The following CUX1 variants were observed in gnomAD, a reference collection of about 807,000 sequenced individuals.
CUX1 encodes protein CASP.
Under a neutral mutation model 158.8 loss-of-function variants are expected in CUX1, and 31 were observed. The observed-to-expected ratio is 0.20, with a 90% CI of 0.15 to 0.26. The LOEUF (loss-of-function observed/expected upper bound fraction) is 0.26. CUX1 is among the 10% of genes least tolerant of loss of function. CUX1 has a pLI of 1.00. For synonymous variants in CUX1, 879 were observed against 862.1 expected (o/e 1.02, Z -0.34); for missense variants, 1,589 against 2,014.6 (o/e 0.79, Z 4.04).
intron 4 of CUX1, among the ~76,000 whole-genome samples, chr7:102,072,391 T>C (rs1826225957): frequency 6.6e-6 from 1 of 152,198 alleles, no homozygotes; most frequent in South Asian, 2.1e-4. Flanking sequence ...AACATCTTGA[T>C]TGGTTGCGGA....
chr7:101,823,026 G>A (rs747509746), intron 1 of CUX1, among the ~76,000 whole-genome samples: 1 of 152,040 alleles, frequency 6.6e-6, no homozygotes, highest in African/African-American at 2.4e-5. Context: ...ATTCAGAGAG[G>A]ATGATGTTAG....
chr7:102,214,081 G>A (rs545844480), intron 20 of CUX1, among the ~76,000 whole-genome samples: 2 of 152,178 alleles, frequency 1.3e-5, no homozygotes, highest in Admixed American at 6.5e-5. Flanking sequence ...GCACTGAGGC[G>A]AGATCACGCC....
chr7:101,955,674 C>T (rs559391637), intron 2 of CUX1, among the ~76,000 whole-genome samples: 39 of 152,234 alleles, frequency 2.6e-4, no homozygotes, highest in Non-Finnish European at 4.1e-4. Flanking sequence ...GTCACTGGGC[C>T]CAAGGATGGT....
Position 102,250,389 on chromosome 7 carries a change from G to T in CUX1, c.*1347G>T, listed in dbSNP as rs760290868. ...CACCTCACCTCACACCACTCTCCTG[G>T]ATACCTGATGAACTGAGCCCTCCCA... On this transcript the variant is annotated 3_prime_UTR_variant, in exon 24 of 24. Transcript: ENST00000292535. The T allele has an allele frequency of 1.5e-4, 147 of 985,410 alleles. No individual in the cohort carries two copies. The highest frequency in any genetic ancestry group is 1.7e-4 in the Non-Finnish European group (144 of 830,022). The allele number at this position is 985,410 out of a possible 1,614,324, so 61.0% of individuals were successfully genotyped here.
intron 2 of CUX1, among the ~76,000 whole-genome samples, chr7:101,922,181 C>T (rs2129097848): frequency 6.6e-6 from 1 of 152,314 alleles, no homozygotes; most frequent in South Asian, 2.1e-4. Context: ...GAACACCTTC[C>T]ATGTGCCAGA....
At chr7:101,881,194 T>A (rs1799669359) in intron 1 of CUX1, among the ~76,000 whole-genome samples, 1 of 152,250 alleles carries the variant, frequency 6.6e-6, no homozygotes, top group Admixed American at 6.5e-5. Context: ...TTACTGTCTG[T>A]CTCGCTCACC....
At chr7:102,086,202 G>A (rs1827938267) in intron 4 of CUX1, among the ~76,000 whole-genome samples, 1 of 149,374 alleles carries the variant, frequency 6.7e-6, no homozygotes, top group African/African-American at 2.4e-5. Context: ...CAATTTTAAA[G>A]TTATTTAAAA....
chr7:101,816,313 A>G (rs1394718529), upstream of CUX1, among the ~76,000 whole-genome samples: 1 of 143,806 alleles, frequency 7.0e-6, no homozygotes, highest in African/African-American at 2.5e-5. Context: ...TCTTTGTTCA[A>G]TTCATCGATC....
intron 8 of CUX1, among the ~76,000 whole-genome samples, chr7:102,139,866 C>G (rs1243022924): frequency 6.6e-6 from 1 of 151,812 alleles, no homozygotes; most frequent in Non-Finnish European, 1.5e-5. Context: ...TTACATTGCC[C>G]AGGCTGGTCT....
chr7:102,041,376 T>A (rs1255245617), intron 3 of CUX1, among the ~76,000 whole-genome samples: 1 of 142,054 alleles, frequency 7.0e-6, no homozygotes, highest in Non-Finnish European at 1.5e-5. Flanking sequence ...TGCCTTAGCC[T>A]CCTGAGTAGC....
intron 4 of CUX1, among the ~76,000 whole-genome samples, chr7:102,075,602 T>A (rs1391426029): frequency 2.0e-5 from 3 of 152,232 alleles, no homozygotes; most frequent in Non-Finnish European, 4.4e-5. Flanking sequence ...AAATTATTTC[T>A]TCAAAATGCT....
intron 21 of CUX1, among the ~76,000 whole-genome samples, chr7:102,231,322 GC>G (rs1563454652): frequency 8.6e-6 from 1 of 116,126 alleles, no homozygotes; most frequent in African/African-American, 3.1e-5. Context: ...GAGCCACTGC[GC>G]CCAGCCTTTT....
chr7:102,064,094 G>A (rs1825271198), intron 3 of CUX1, among the ~76,000 whole-genome samples: 1 of 152,218 alleles, frequency 6.6e-6, no homozygotes, highest in Non-Finnish European at 1.5e-5. Context: ...GGCATGGCAG[G>A]AGGTGAGCCT....
intron 20 of CUX1, among the ~76,000 whole-genome samples, chr7:102,216,160 C>T (rs1173109537): frequency 6.6e-6 from 1 of 152,038 alleles, no homozygotes; most frequent in Non-Finnish European, 1.5e-5. Flanking sequence ...AAAAATTAGC[C>T]AGGCGTAGTG....
intron 4 of CUX1, among the ~76,000 whole-genome samples, chr7:102,087,393 C>T (rs1554480882): frequency 6.6e-6 from 1 of 152,080 alleles, no homozygotes; most frequent in East Asian, 1.9e-4. Flanking sequence ...CCAGCCTGAC[C>T]AACATGGAGA....
At chr7:102,024,111 G>T (rs1179203382) in intron 2 of CUX1, among the ~76,000 whole-genome samples, 1 of 152,234 alleles carries the variant, frequency 6.6e-6, no homozygotes, top group Non-Finnish European at 1.5e-5. Context: ...AGGTTGGCAG[G>T]GTTGGGGGTA....
Position 102,104,317 on chromosome 7 carries a change from T to G in CUX1, c.407-19T>G. Reference sequence around the variant, plus strand: ...TGTATGCTTCTCTTACTGTAGGTTTTTTTTTTTCTTTTCTGCAGAGGTTAC... The same window carrying G: ...TGTATGCTTCTCTTACTGTAGGTTTGTTTTTTTCTTTTCTGCAGAGGTTAC... On this transcript the variant is annotated intron_variant, in intron 5 of 23. Transcript: ENST00000292535. 1 of 1,584,388 alleles carries G rather than the reference T, an allele frequency of 6.3e-7. No homozygotes were observed. Among genetic ancestry groups the G allele is most frequent in the South Asian group, 1.1e-5 (1 of 87,692 alleles).
intron 2 of CUX1, among the ~76,000 whole-genome samples, chr7:101,967,375 T>C (rs1357433370): frequency 6.6e-6 from 1 of 152,238 alleles, no homozygotes; most frequent in East Asian, 1.9e-4. Flanking sequence ...CAAAGACTAA[T>C]AAAGCCTTCA....
At chr7:102,087,368 G>A (rs1554480869) in intron 4 of CUX1, among the ~76,000 whole-genome samples, 1 of 152,094 alleles carries the variant, frequency 6.6e-6, no homozygotes. Context: ...ATCACCTGAG[G>A]TCAGCAGTTT....
Sources: allele counts gnomAD v4.1 joint callset (sites outside exome capture counted in the v4.1 genomes callset), GRCh38; gene constraint gnomAD v4.1.1; transcripts MANE v1.5; gene names NCBI Gene and HGNC (gene_info 2026-07-23, HGNC 2026-07-21).